BLOC1S5: variants seen among roughly 807,000 people sequenced by gnomAD.
The protein encoded by BLOC1S5 is biogenesis of lysosome-related organelles complex 1 subunit 5.
BLOC1S5 carries 27 observed loss-of-function variants against 24.3 expected under a neutral mutation model. The observed-to-expected ratio is 1.11, with a 90% CI of 0.82 to 1.53. The LOEUF (loss-of-function observed/expected upper bound fraction) is 1.53. Among genes scored for constraint, BLOC1S5 ranks in the 40% most tolerant of loss-of-function variants. The probability of loss-of-function intolerance (pLI) is 0.00; values close to 1 mark genes in which losing one functional copy is unlikely to be tolerated. For synonymous variants in BLOC1S5, 84 were observed against 74.5 expected, an observed-to-expected ratio of 1.13 and a Z score of -0.66; for missense variants, 239 against 229.4, an observed-to-expected ratio of 1.04 and a Z score of -0.27.
At chr6:8,016,167 A>G (rs887252218) in intron 4 of BLOC1S5, among the ~76,000 whole-genome samples, 1 of 152,142 alleles carries the variant, frequency 6.6e-6, no homozygotes, top group African/African-American at 2.4e-5. Flanking sequence ...CTCTACTAAA[A>G]ATACAAAAAT....
chr6:8,031,610 A>AG (rs1321173116), intron 3 of BLOC1S5, among the ~76,000 whole-genome samples: 8 of 152,034 alleles, frequency 5.3e-5, no homozygotes, highest in African/African-American at 1.7e-4. Flanking sequence ...CAGCACTAGA[A>AG]AAAAAAATTC....
chr6:8,043,883 C>T (rs9392952), intron 2 of BLOC1S5, among the ~76,000 whole-genome samples: 3 of 152,050 alleles, frequency 2.0e-5, no homozygotes, highest in Non-Finnish European at 4.4e-5. Context: ...CATGGGGGCC[C>T]GTCTTTCCCA....
At chr6:8,016,338 A>AAAT (rs957794206) in intron 4 of BLOC1S5, among the ~76,000 whole-genome samples, 9 of 151,542 alleles carry the variant, frequency 5.9e-5, no homozygotes, top group South Asian at 2.1e-4. Flanking sequence ...AAAAAAAAAA[A>AAAT]TTTTTTTTAA....
chr6:8,023,261 T>G (rs1762988469), intron 4 of BLOC1S5, among the ~76,000 whole-genome samples: 1 of 152,320 alleles, frequency 6.6e-6, no homozygotes, highest in African/African-American at 2.4e-5. Context: ...GAATGTGCAT[T>G]TATTGTTCTT....
intron 1 of BLOC1S5, 151 bp downstream of exon 1, chr6:8,064,114 A>G (rs1757360845): frequency 3.5e-6 from 2 of 565,288 alleles, no homozygotes; most frequent in South Asian, 2.5e-5. Flanking sequence ...TGGCGCGGGG[A>G]AAAAGGCGGG....
intron 3 of BLOC1S5, among the ~76,000 whole-genome samples, chr6:8,038,018 C>T (rs59491716): frequency 0.039 from 5,941 of 152,196 alleles, 364 homozygotes; most frequent in African/African-American, 0.13. Context: ...GGATTAAAGA[C>T]TTAAATCTAA....
intron 2 of BLOC1S5, among the ~76,000 whole-genome samples, chr6:8,051,643 G>C (rs867945115): frequency 2.6e-5 from 4 of 152,240 alleles, no homozygotes; most frequent in Non-Finnish European, 5.9e-5. Context: ...AGCTTCAAAG[G>C]ACAAGCTAAC....
intron 2 of BLOC1S5, among the ~76,000 whole-genome samples, chr6:8,051,999 G>C (rs1200643485): frequency 7.4e-6 from 1 of 135,180 alleles, no homozygotes; most frequent in Non-Finnish European, 1.5e-5. Flanking sequence ...TTGAGACGGA[G>C]TCTTGCCACC....
At chr6:8,059,875 C>A (rs1313733499) in intron 2 of BLOC1S5, among the ~76,000 whole-genome samples, 1 of 152,174 alleles carries the variant, frequency 6.6e-6, no homozygotes, top group African/African-American at 2.4e-5. Context: ...AGAGACCATT[C>A]TTCAATAATA....
At chr6:8,059,591 T>C (rs187550912) in intron 2 of BLOC1S5, among the ~76,000 whole-genome samples, 54 of 152,304 alleles carry the variant, frequency 3.5e-4, no homozygotes, top group African/African-American at 8.9e-4. Context: ...GTTTCGGCCA[T>C]GATAGAAAAG....
intron 2 of BLOC1S5, among the ~76,000 whole-genome samples, chr6:8,052,033 C>A (rs1168706279): frequency 7.6e-6 from 1 of 132,160 alleles, no homozygotes; most frequent in Non-Finnish European, 1.5e-5. Flanking sequence ...AGGGTGCGAT[C>A]TCGGCTCACT....
At chr6:8,054,556 T>C (rs535202327) in intron 2 of BLOC1S5, among the ~76,000 whole-genome samples, 13 of 152,370 alleles carry the variant, frequency 8.5e-5, no homozygotes, top group African/African-American at 2.2e-4. Context: ...GGGGGTCAAT[T>C]TGGCTGGATA....
chr6:8,040,929 G>A (rs547432355), intron 3 of BLOC1S5, among the ~76,000 whole-genome samples: 4 of 152,056 alleles, frequency 2.6e-5, no homozygotes, highest in East Asian at 3.9e-4. Flanking sequence ...AGATTGTCTC[G>A]TGTACCACAG....
intron 4 of BLOC1S5, among the ~76,000 whole-genome samples, chr6:8,024,169 A>T (rs551121302): frequency 6.6e-6 from 1 of 152,142 alleles, no homozygotes; most frequent in East Asian, 1.9e-4. Context: ...TTAAAATACT[A>T]ATTTTTAATA....
rs551266226 is a variant in BLOC1S5, at chr6:8,038,634, G to A, written c.325+2505C>T. Among the ~76,000 whole-genome samples, 49 of 152,184 alleles carry A rather than the reference G, an allele frequency of 3.2e-4. 2 individuals carry two copies. The South Asian group carries it at 6.9e-3, about 21-fold the overall frequency. On this transcript the variant is annotated intron_variant, in intron 3 of 4. Coordinates refer to ENST00000397457, the MANE Select transcript of BLOC1S5 (RefSeq NM_201280.3). Reference sequence around the variant, plus strand: ...TGAGTAGCTGGGACTACAGGCACCCGCCACCATGCCTGGCTACTTCTTTGT... The same window carrying A: ...TGAGTAGCTGGGACTACAGGCACCCACCACCATGCCTGGCTACTTCTTTGT...
chr6:8,023,817 C>CGTGCACATGTGTATAT (rs147765279), intron 4 of BLOC1S5, among the ~76,000 whole-genome samples: 6 of 151,914 alleles, frequency 3.9e-5, no homozygotes, highest in South Asian at 4.2e-4. Context: ...CGTGTGTGTG[C>CGTGCACATGTGTATAT]GTGCACATGT....
intron 3 of BLOC1S5, among the ~76,000 whole-genome samples, chr6:8,036,856 C>T (rs1171150792): frequency 6.6e-6 from 1 of 152,138 alleles, no homozygotes; most frequent in Non-Finnish European, 1.5e-5. Flanking sequence ...CCAGGAATGG[C>T]AGGATGGTTC....
At chr6:8,022,830 C>T (rs574150733) in intron 4 of BLOC1S5, among the ~76,000 whole-genome samples, 2 of 140,786 alleles carry the variant, frequency 1.4e-5, no homozygotes, top group East Asian at 3.9e-4. Flanking sequence ...GTGATCCGCC[C>T]GCCTCGGCCT....
In BLOC1S5 at chr6:8,015,509, A is replaced by G; in HGVS notation, c.*140T>C. The G allele has an allele frequency of 8.4e-6, 7 of 834,758 alleles. No individual in the cohort carries two copies. The South Asian group carries it at 1.8e-4, about 21-fold the overall frequency. The allele number at this position is 834,758 out of a possible 1,614,324, so 51.7% of individuals were successfully genotyped here. On this transcript the variant is annotated 3_prime_UTR_variant, in exon 5 of 5. Transcript: ENST00000397457. Reference sequence around the variant, plus strand: ...AAATATCCAATCAGAATGCCAGTAGAAACTTCTTTCTTCTGATATAAGAGT... The same window carrying G: ...AAATATCCAATCAGAATGCCAGTAGGAACTTCTTTCTTCTGATATAAGAGT...
Sources: gnomAD v4.1 joint callset for allele counts (sites outside exome capture counted in the v4.1 genomes callset) on GRCh38, gnomAD v4.1.1 for gene constraint, MANE v1.5 for transcripts, NCBI Gene and HGNC (gene_info 2026-07-23, HGNC 2026-07-21) for gene names.